ZNF423: variants seen among roughly 807,000 people sequenced by gnomAD.
ZNF423 encodes the protein zinc finger protein 423, also known as Ebf-associated zinc finger protein.
In ZNF423, 12 loss-of-function variants were observed where a neutral mutation model predicts 95.8. The ratio of observed to expected loss-of-function variants is 0.13; its 90% CI spans 0.08 to 0.20. ZNF423 has a LOEUF of 0.20. Ranked by LOEUF, ZNF423 falls within the 10% of genes least tolerant of loss-of-function variation. ZNF423 has a pLI of 1.00. For synonymous variants in ZNF423, 749 were observed against 711.9 expected (o/e 1.05, Z -0.83); for missense variants, 1,316 against 1,737.1 (o/e 0.76, Z 4.31).
chr16:49,710,532 C>T (rs963576135), intron 3 of ZNF423, among the ~76,000 whole-genome samples: 1 of 152,188 alleles, frequency 6.6e-6, no homozygotes. Flanking sequence ...AGTCACCAGG[C>T]GGCAGAAGTA....
intron 5 of ZNF423, among the ~76,000 whole-genome samples, chr16:49,596,750 C>T (rs1273760321): frequency 6.6e-6 from 1 of 152,196 alleles, no homozygotes; most frequent in Non-Finnish European, 1.5e-5. Context: ...CAGAGAATCG[C>T]TTTCACAGCA....
chr16:49,705,053 G>A (rs1183768757), intron 3 of ZNF423, among the ~76,000 whole-genome samples: 2 of 152,202 alleles, frequency 1.3e-5, no homozygotes, highest in African/African-American at 2.4e-5. Flanking sequence ...ACTTTTAAAG[G>A]TTAAATGACA....
chr16:49,628,186 C>T (rs989714034), intron 4 of ZNF423, among the ~76,000 whole-genome samples: 19 of 151,806 alleles, frequency 1.3e-4, no homozygotes, highest in African/African-American at 4.4e-4. Context: ...ACCCATCCAC[C>T]CATCCATCCA....
intron 3 of ZNF423, among the ~76,000 whole-genome samples, chr16:49,641,317 C>T (rs1272353243): frequency 6.6e-6 from 1 of 152,188 alleles, no homozygotes; most frequent in Admixed American, 6.5e-5. Flanking sequence ...ACCACTCCTG[C>T]GTGGGTAAGA....
chr16:49,538,601 C>A (rs549340083), intron 5 of ZNF423, among the ~76,000 whole-genome samples: 3 of 152,316 alleles, frequency 2.0e-5, no homozygotes, highest in Admixed American at 2.0e-4. Flanking sequence ...CACTCTTCTG[C>A]CAGGTGGCCC....
intron 5 of ZNF423, among the ~76,000 whole-genome samples, chr16:49,532,986 C>T (rs1185018286): frequency 6.6e-6 from 1 of 152,154 alleles, no homozygotes; most frequent in Non-Finnish European, 1.5e-5. Context: ...CGCATGGGCA[C>T]GTGGGTGTGG....
chr16:49,797,371 T>C (rs956886980), intron 1 of ZNF423, among the ~76,000 whole-genome samples: 2 of 152,214 alleles, frequency 1.3e-5, no homozygotes, highest in African/African-American at 4.8e-5. Context: ...GGTGCAGGGC[T>C]GTGAATGCCC....
At chr16:49,805,469 C>G (rs528119174) in intron 1 of ZNF423, among the ~76,000 whole-genome samples, 1 of 152,292 alleles carries the variant, frequency 6.6e-6, no homozygotes, top group African/African-American at 2.4e-5. Context: ...GGAGATGGAG[C>G]CCAGATTTGA....
rs114331417 is a variant in ZNF423 at position 49,756,748 on chromosome 16, G to A, written c.101-25777C>T. ...CCAGGGCACACGGGCAAAAAGGCACGGGTCATGGGTGGGCTGAGAACAGGG... is the reference window on the plus strand; with the variant it reads ...CCAGGGCACACGGGCAAAAAGGCACAGGTCATGGGTGGGCTGAGAACAGGG... On this transcript the variant is annotated intron_variant, in intron 2 of 7. Coordinates refer to ENST00000563137, the MANE Select transcript of ZNF423 (RefSeq NM_001379286.1). 2.2e-3 allele frequency among the ~76,000 whole-genome samples: 336 copies of A among 152,278 alleles called. 4 individuals are homozygous for A. Among genetic ancestry groups the A allele is most frequent in the African/African-American group, 7.7e-3 (320 of 41,548 alleles).
intron 2 of ZNF423, chr16:49,780,579 C>T (rs781211640): frequency 6.6e-6 from 1 of 152,300 alleles, no homozygotes; most frequent in South Asian, 2.1e-4. Flanking sequence ...CAGCTCCAGT[C>T]ACCACCTGAC....
intron 3 of ZNF423, among the ~76,000 whole-genome samples, chr16:49,671,131 C>G (rs1169008161): frequency 6.6e-6 from 1 of 152,218 alleles, no homozygotes; most frequent in Non-Finnish European, 1.5e-5. Flanking sequence ...ATTCCCGGGA[C>G]TAGGAAGGCC....
intron 3 of ZNF423, among the ~76,000 whole-genome samples, chr16:49,690,322 G>A (rs1042556054): frequency 6.6e-6 from 1 of 152,190 alleles, no homozygotes. Flanking sequence ...CTTGGGGCCA[G>A]GAGTTTGAGA....
At chr16:49,774,873 G>T (rs1381648937) in intron 2 of ZNF423, among the ~76,000 whole-genome samples, 1 of 152,040 alleles carries the variant, frequency 6.6e-6, no homozygotes, top group Non-Finnish European at 1.5e-5. Flanking sequence ...AGGGATGAAG[G>T]ACAGATTCTG....
chr16:49,712,210 T>C (rs2032565056), intron 3 of ZNF423, among the ~76,000 whole-genome samples: 1 of 152,228 alleles, frequency 6.6e-6, no homozygotes, highest in African/African-American at 2.4e-5. Context: ...GGGAAGGCCT[T>C]CTCTGCTCCT....
chr16:49,771,037 G>A (rs960372138), intron 2 of ZNF423, among the ~76,000 whole-genome samples: 1 of 152,200 alleles, frequency 6.6e-6, no homozygotes, highest in Non-Finnish European at 1.5e-5. Flanking sequence ...CCTCTGCCAA[G>A]GCCCAAGGCA....
At chr16:49,822,393 C>G (rs112669646) in intron 1 of ZNF423, among the ~76,000 whole-genome samples, 2 of 152,180 alleles carry the variant, frequency 1.3e-5, no homozygotes, top group African/African-American at 4.8e-5. Flanking sequence ...AAGTTGGTCT[C>G]GAACTCCTGA....
At chr16:49,572,429 A>T (rs932889577) in intron 5 of ZNF423, among the ~76,000 whole-genome samples, 9 of 152,208 alleles carry the variant, frequency 5.9e-5, no homozygotes, top group African/African-American at 2.2e-4. Context: ...AAGCCAAAGC[A>T]CATGCCAAAA....
At chr16:49,707,324 A>G (rs1332201933) in intron 3 of ZNF423, among the ~76,000 whole-genome samples, 1 of 152,168 alleles carries the variant, frequency 6.6e-6, no homozygotes, top group East Asian at 1.9e-4. Context: ...TATACAGAAA[A>G]GAGCATTTGT....
intron 1 of ZNF423, among the ~76,000 whole-genome samples, chr16:49,850,991 G>A (rs2035296092): frequency 6.6e-6 from 1 of 152,162 alleles, no homozygotes; most frequent in African/African-American, 2.4e-5. Context: ...ATCTCTGCAG[G>A]AGGGCTGTCG....
Sources: allele counts gnomAD v4.1 joint callset (sites outside exome capture counted in the v4.1 genomes callset), GRCh38; gene constraint gnomAD v4.1.1; transcripts MANE v1.5; gene names NCBI Gene and HGNC (gene_info 2026-07-23, HGNC 2026-07-21).